Variants in ATXN2L observed in about 807,000 individuals in gnomAD.
ATXN2L encodes ataxin 2 like.
In ATXN2L, 24 loss-of-function variants were observed where a neutral mutation model predicts 120.7. The ratio of observed to expected loss-of-function variants is 0.20; its 90% CI spans 0.14 to 0.28. The LOEUF is 0.28. Ranked by LOEUF, ATXN2L falls within the 10% of genes least tolerant of loss-of-function variation. The probability of loss-of-function intolerance (pLI) is 1.00; values close to 1 mark genes in which losing one functional copy is unlikely to be tolerated. For missense variants in ATXN2L, 1,312 were observed against 1,432.3 expected (o/e 0.92, Z 1.36); for synonymous variants, 653 against 568.1 (o/e 1.15, Z -2.13).
chr16:28,835,598 A>G lies in ATXN2L; in HGVS notation c.2735A>G (p.Asn912Ser). Residue 912 changes from asparagine to serine, a missense_variant, in exon 21 of 22, where the codon AAT (asparagine) becomes AGT (serine). Coordinates refer to ENST00000336783, the MANE Select transcript of ATXN2L (RefSeq NM_007245.4). ...PHLGSGQPQQNLYHPGALTGT... is the reference protein window; with the variant it reads ...PHLGSGQPQQSLYHPGALTGT... ...TTGGGCAGTGGACAGCCACAGCAGA[A>G]TCTGTACCACCCAGGGGCCCTGACA... is the stretch of plus-strand genomic sequence containing the variant. 1.2e-6 allele frequency: 2 copies of G among 1,613,962 alleles called. No individual in the cohort carries two copies. Among genetic ancestry groups the G allele is most frequent in the South Asian group, 2.2e-5 (2 of 91,080 alleles).
chr16:28,829,344 A>G, intron 6 of ATXN2L, 57 bp from the exon 7 acceptor site: 1 of 1,192,260 alleles, frequency 8.4e-7, no homozygotes, highest in Non-Finnish European at 1.3e-6. Flanking sequence ...ATGGAAGGGA[A>G]GTGACTTGTC....
intron 6 of ATXN2L, among the ~76,000 whole-genome samples, chr16:28,829,148 A>AT (rs2053425751): frequency 6.6e-6 from 1 of 152,158 alleles, no homozygotes; most frequent in Non-Finnish European, 1.5e-5. Flanking sequence ...GACCCCAGGC[A>AT]TGCACCACCA....
At position 28,829,710 on chromosome 16, in the gene ATXN2L, G is replaced by C; in HGVS notation, c.834-148G>C. 3.5e-6 allele frequency: 3 copies of C among 851,542 alleles called. 1 individual carries two copies. The South Asian group carries it at 4.9e-5, about 14-fold the overall frequency. 52.7% of individuals were successfully genotyped at this position (851,542 alleles called of 1,614,324 possible). A position where few individuals can be genotyped will look rare whatever the true frequency, so the allele number is the denominator to read the frequency against. On this transcript the variant is annotated intron_variant, in intron 7 of 21. Coordinates refer to ENST00000336783, the MANE Select transcript of ATXN2L (RefSeq NM_007245.4). Reference sequence around the variant, plus strand: ...AGATAAGCCTTGGTGCTCTACCTGGGATGCAGTCGGTGCCCGTTACCCAGA... The same window carrying C: ...AGATAAGCCTTGGTGCTCTACCTGGCATGCAGTCGGTGCCCGTTACCCAGA...
intron 9 of ATXN2L, 53 bp from the exon 10 acceptor site, chr16:28,830,909 G>A (rs1008255604): frequency 1.4e-6 from 2 of 1,479,704 alleles, no homozygotes; most frequent in Admixed American, 2.2e-5. Context: ...AATGTAATAG[G>A]TCGTCTGCCT....
At chr16:28,825,436 T>C (rs1467343027) in intron 2 of ATXN2L, 34 bp downstream of exon 2, 2 of 1,609,050 alleles carry the variant, frequency 1.2e-6, no homozygotes, top group African/African-American at 1.3e-5. Context: ...TTAAGATACA[T>C]AGACCTAAAA....
At chr16:28,824,544 T>G in intron 1 of ATXN2L, 1 of 1,286,700 alleles carries the variant, frequency 7.8e-7, no homozygotes, top group Non-Finnish European at 1.0e-6. Context: ...CCCCGCAGAG[T>G]GGGTAACGGG....
chr16:28,826,050 TTTTGC>T, intron 4 of ATXN2L, 185 bp from the exon 5 acceptor site: 1 of 830,658 alleles, frequency 1.2e-6, no homozygotes, highest in South Asian at 1.8e-5. Context: ...TTTGTGAGAC[TTTTGC>T]TAAGTCCTGT....
Position 28,826,404 on chromosome 16 carries a change from C to A in ATXN2L, c.616+14C>A. 3.1e-6 allele frequency: 5 copies of A among 1,613,588 alleles called. No individual in the cohort carries two copies. The highest frequency in any genetic ancestry group is 4.2e-6 in the Non-Finnish European group (5 of 1,179,650). On this transcript the variant is annotated intron_variant, in intron 5 of 21. Coordinates refer to ENST00000336783, the MANE Select transcript of ATXN2L (RefSeq NM_007245.4). Reference sequence around the variant, plus strand: ...ATGCTACTAAAGGTATTGTCCTAGGCTGTTACCTCAGACCTGCTCTGTGTG... The same window carrying A: ...ATGCTACTAAAGGTATTGTCCTAGGATGTTACCTCAGACCTGCTCTGTGTG...
chr16:28,830,144 A>C (rs1209805579), intron 8 of ATXN2L, 86 bp downstream of exon 8: 1 of 1,320,270 alleles, frequency 7.6e-7, no homozygotes, highest in East Asian at 2.5e-5. Flanking sequence ...GCTGTGGTTT[A>C]AGCCTTGTGA....
At position 28,823,176 on chromosome 16, in the gene ATXN2L, C is replaced by G. The variant is rs908049277; in HGVS notation, c.-84C>G. On this transcript the variant is annotated 5_prime_UTR_variant, in exon 1 of 22. Coordinates refer to ENST00000336783, the MANE Select transcript of ATXN2L (RefSeq NM_007245.4). ...GGCCCCGGCTGCCCGATCCCCCTCG[C>G]TTCCCGCGCTCTCCAGCGGGGCCCC... 5 of 995,422 alleles carry G rather than the reference C, an allele frequency of 5.0e-6. No individual in the cohort carries two copies. Among genetic ancestry groups the G allele is most frequent in the Admixed American group, 4.3e-5 (1 of 23,250 alleles). 61.7% of individuals were successfully genotyped at this position (995,422 alleles called of 1,614,324 possible).
At position 28,836,597 on chromosome 16, in the gene ATXN2L, GC is replaced by G. The variant is rs1960958440; in HGVS notation, c.*337del. ...CAGCGATTGACCTGTGCTTCTGACAGCCCCCGAGACACCTTGAGGAGGCCGC... is the reference window on the plus strand; with the variant it reads ...CAGCGATTGACCTGTGCTTCTGACAGCCCCGAGACACCTTGAGGAGGCCGC... On this transcript the variant is annotated 3_prime_UTR_variant, in exon 22 of 22. Transcript: ENST00000336783. 7.6e-6 allele frequency: 12 copies of G among 1,575,914 alleles called. No homozygotes were observed. The highest frequency in any genetic ancestry group is 1.4e-5 in the African/African-American group (1 of 73,850).
Position 28,823,573 on chromosome 16 carries a change from C to A in ATXN2L, c.299+15C>A. 1 of 1,320,318 alleles carries A rather than the reference C, an allele frequency of 7.6e-7. No homozygotes were observed. The allele number at this position is 1,320,318 out of a possible 1,614,324, so 81.8% of individuals were successfully genotyped here. Reference sequence around the variant, plus strand: ...GGCAGCGCCAGGTGAGAAGGGTGGGCTCCGGGCGAGGGAGCCGCGGCCACC... The same window carrying A: ...GGCAGCGCCAGGTGAGAAGGGTGGGATCCGGGCGAGGGAGCCGCGGCCACC... On this transcript the variant is annotated intron_variant, in intron 1 of 21. Coordinates refer to ENST00000336783, the MANE Select transcript of ATXN2L (RefSeq NM_007245.4).
chr16:28,828,540 T>G (rs939679472), intron 6 of ATXN2L, among the ~76,000 whole-genome samples: 3 of 150,056 alleles, frequency 2.0e-5, no homozygotes, highest in African/African-American at 7.4e-5. Context: ...TGAGCCAAGA[T>G]CGCACCATTG....
In ATXN2L at chr16:28,833,250, C is replaced by G. The variant is rs763210406; in HGVS notation, c.1851C>G (p.Gly617=). 1 of 1,614,226 alleles carries G rather than the reference C, an allele frequency of 6.2e-7. No homozygotes were observed. Among genetic ancestry groups the G allele is most frequent in the South Asian group, 1.1e-5 (1 of 91,084 alleles). ...AACCACCCCTGGCACCATCAGGAGG[C>G]ACTGAGGGGCCAGAGCAGCCCCCAC... is the stretch of plus-strand genomic sequence containing the variant. The part of the protein sequence containing the change: ...EDKPPLAPSG[G]TEGPEQPPPP... Residue 617 remains glycine, a synonymous_variant, in exon 14 of 22, where the codon GGC becomes GGG. Transcript: ENST00000336783.
chr16:28,834,116 C>T lies in ATXN2L; in HGVS notation c.2077C>T (p.Pro693Ser), dbSNP rs999284888. The change falls in exon 16 of 22, where the codon CCC becomes TCC. Residue 693 changes from proline to serine, a missense_variant. Transcript: ENST00000336783. ...TSPGPRTHST[P>S]SIPVLTAGQS... is the part of the protein sequence containing the mutation. ...TCCGGGGCCCCGGACTCATTCAACTCCCTCCATCCCGGTGCTGACAGCAGG... is the reference window on the plus strand; with the variant it reads ...TCCGGGGCCCCGGACTCATTCAACTTCCTCCATCCCGGTGCTGACAGCAGG... The T allele has an allele frequency of 7.4e-6, 12 of 1,614,048 alleles. No homozygotes were observed. Among genetic ancestry groups the T allele is most frequent in the Non-Finnish European group, 9.3e-6 (11 of 1,180,026 alleles).
At chr16:28,825,012 C>T (rs1231626441) in intron 1 of ATXN2L, among the ~76,000 whole-genome samples, 1 of 151,510 alleles carries the variant, frequency 6.6e-6, no homozygotes, top group Non-Finnish European at 1.5e-5. Flanking sequence ...GAGATCGATA[C>T]CAGCCTGGGC....
Position 28,836,685 on chromosome 16 carries a change from G to A in ATXN2L, c.*420G>A. 1 of 1,613,436 alleles carries A rather than the reference G, an allele frequency of 6.2e-7. No homozygotes were observed. Among genetic ancestry groups the A allele is most frequent in the East Asian group, 2.2e-5 (1 of 44,832 alleles). ...GCATTGGAGGAAGGGACAGCTGCTT[G>A]GGTTCTAATGCTCCTGCTCTCTTCT... On this transcript the variant is annotated 3_prime_UTR_variant, in exon 22 of 22. Transcript: ENST00000336783.
chr16:28,824,713 C>A, intron 1 of ATXN2L: 1 of 604,426 alleles, frequency 1.7e-6, no homozygotes, highest in Non-Finnish European at 2.3e-6. Flanking sequence ...GAGCTTTTGC[C>A]CTCACAGCTG....
rs757754614 is a variant in ATXN2L, at chr16:28,826,230, G to A, written c.466-10G>A. On this transcript the variant is annotated splice_polypyrimidine_tract_variant and intron_variant, in intron 4 of 21. Transcript: ENST00000336783. ...CTGACCCATGGGTGTGGGGAATGGG[G>A]TGTTTGTAGTTTGAACTAGCCGTGG... The A allele has an allele frequency of 1.9e-6, 3 of 1,613,824 alleles. No individual in the cohort carries two copies. Among genetic ancestry groups the A allele is most frequent in the African/African-American group, 2.7e-5 (2 of 74,910 alleles).
Sources: gnomAD v4.1 joint callset for allele counts (sites outside exome capture counted in the v4.1 genomes callset) on GRCh38, gnomAD v4.1.1 for gene constraint, MANE v1.5 for transcripts, NCBI Gene and HGNC (gene_info 2026-07-23, HGNC 2026-07-21) for gene names.